Variants in ZMYM4 observed in about 807,000 individuals in gnomAD.
ZMYM4 encodes the protein zinc finger MYM-type containing 4.
ZMYM4 carries 31 observed loss-of-function variants against 183.2 expected under a neutral mutation model. The observed-to-expected ratio is 0.17, with a 90% CI of 0.13 to 0.23. The LOEUF (loss-of-function observed/expected upper bound fraction) is 0.23. Among genes scored for constraint, ZMYM4 ranks in the 10% least tolerant of loss-of-function variants. The pLI is 1.00. For missense variants in ZMYM4, 1,273 were observed against 1,840.3 expected (o/e 0.69, Z 5.64); for synonymous variants, 592 against 631.2 (o/e 0.94, Z 0.93).
intron 10 of ZMYM4, 38 bp from the exon 11 acceptor site, chr1:35,386,036 T>C (rs767614031): frequency 7.1e-7 from 1 of 1,417,764 alleles, no homozygotes; most frequent in Non-Finnish European, 9.9e-7. Flanking sequence ...TGTACATTTG[T>C]ACATATTACT....
At chr1:35,284,901 C>G (rs1640394758) in intron 1 of ZMYM4, among the ~76,000 whole-genome samples, 1 of 152,108 alleles carries the variant, frequency 6.6e-6, no homozygotes, top group African/African-American at 2.4e-5. Context: ...TTTAAAGTCC[C>G]CCTCTCCAAG....
At chr1:35,291,256 T>C (rs113453236) in intron 1 of ZMYM4, among the ~76,000 whole-genome samples, 3,523 of 152,286 alleles carry the variant, frequency 0.023, 62 homozygotes, top group Non-Finnish European at 0.034. Flanking sequence ...TTTGAAAATA[T>C]TCCCCCCAGT....
At chr1:35,316,193 G>C (rs1642038210) in intron 1 of ZMYM4, among the ~76,000 whole-genome samples, 1 of 152,134 alleles carries the variant, frequency 6.6e-6, no homozygotes, top group South Asian at 2.1e-4. Context: ...GAGTCCCAGA[G>C]GAGTGAAGTT....
intron 28 of ZMYM4, among the ~76,000 whole-genome samples, chr1:35,417,689 G>A (rs1049616410): frequency 6.6e-6 from 1 of 152,072 alleles, no homozygotes; most frequent in African/African-American, 2.4e-5. Context: ...TCCAGGCTGG[G>A]CAACAGAGTG....
At chr1:35,411,949 C>A (rs1251030915) in intron 26 of ZMYM4, among the ~76,000 whole-genome samples, 1 of 152,200 alleles carries the variant, frequency 6.6e-6, no homozygotes, top group East Asian at 1.9e-4. Flanking sequence ...GTGGCACAAT[C>A]TCAGCTCACT....
chr1:35,329,380 C>G (rs776529770), intron 2 of ZMYM4, among the ~76,000 whole-genome samples: 11 of 152,156 alleles, frequency 7.2e-5, no homozygotes, highest in African/African-American at 9.7e-5. Context: ...TCAACCATTA[C>G]TAGTTTATGT....
chr1:35,391,248 G>C (rs1407637779), intron 15 of ZMYM4, among the ~76,000 whole-genome samples: 1 of 152,204 alleles, frequency 6.6e-6, no homozygotes, highest in Admixed American at 6.5e-5. Context: ...ACATGGTCCT[G>C]CTGGAGGGGA....
intron 23 of ZMYM4, among the ~76,000 whole-genome samples, chr1:35,404,524 A>C (rs1015581779): frequency 2.6e-5 from 4 of 152,190 alleles, no homozygotes; most frequent in Admixed American, 2.6e-4. Flanking sequence ...CTTTAAGTTC[A>C]AAATGTTTTG....
chr1:35,332,715 C>A (rs1392597140), intron 2 of ZMYM4, among the ~76,000 whole-genome samples: 2 of 151,898 alleles, frequency 1.3e-5, no homozygotes, highest in Non-Finnish European at 2.9e-5. Context: ...TATTTTTCTC[C>A]AGACAGGCTC....
At chr1:35,299,591 C>G (rs1369321243) in intron 1 of ZMYM4, among the ~76,000 whole-genome samples, 6 of 152,168 alleles carry the variant, frequency 3.9e-5, no homozygotes, top group Admixed American at 3.9e-4. Context: ...TTGTGGAAAG[C>G]AACCAATCAA....
chr1:35,399,725 A>G lies in ZMYM4; in HGVS notation c.3528+149A>G, dbSNP rs554903433. ...CTTTTGTTTTTTGAATTCAAGAACC[A>G]TATATTTTATTTACATTTCTTTCAG... is the stretch of plus-strand genomic sequence containing the variant. On this transcript the variant is annotated intron_variant, in intron 23 of 29. Transcript: ENST00000314607. The G allele has an allele frequency of 4.4e-4, 325 of 744,936 alleles. 6 individuals carry two copies. In the East Asian group the frequency reaches 8.8e-3, roughly 20 times the overall value. The allele number at this position is 744,936 out of a possible 1,614,324, so 46.1% of individuals were successfully genotyped here.
At chr1:35,349,993 T>C (rs1643541691) in intron 2 of ZMYM4, among the ~76,000 whole-genome samples, 1 of 151,426 alleles carries the variant, frequency 6.6e-6, no homozygotes, top group South Asian at 2.1e-4. Flanking sequence ...AGACAGAGTC[T>C]CTCTCTGTCA....
Position 35,280,924 on chromosome 1 carries a change from T to C in ZMYM4, c.39+11839T>C, listed in dbSNP as rs557189921. Among the ~76,000 whole-genome samples, 5 of 152,282 alleles carry C rather than the reference T, an allele frequency of 3.3e-5. No individual in the cohort carries two copies. The East Asian group carries it at 9.6e-4, about 29-fold the overall frequency. ...TGGACATATCTCTTGGGGACCACAA[T>C]TTAACCCACAACATGGTCTTCAAGG... On this transcript the variant is annotated intron_variant, in intron 1 of 29. Coordinates refer to ENST00000314607, the MANE Select transcript of ZMYM4 (RefSeq NM_005095.3).
intron 1 of ZMYM4, among the ~76,000 whole-genome samples, chr1:35,323,689 A>T (rs1055708982): frequency 2.6e-5 from 4 of 151,616 alleles, no homozygotes; most frequent in Non-Finnish European, 5.9e-5. Context: ...AGTAGCGGGG[A>T]CTACAGGCGC....
chr1:35,293,568 C>T (rs1162522760), intron 1 of ZMYM4, among the ~76,000 whole-genome samples: 4 of 152,074 alleles, frequency 2.6e-5, no homozygotes, highest in Admixed American at 1.3e-4. Context: ...CCACCTGCCT[C>T]GGCCTCCCAA....
At chr1:35,335,263 G>A (rs1642923506) in intron 2 of ZMYM4, among the ~76,000 whole-genome samples, 1 of 150,550 alleles carries the variant, frequency 6.6e-6, no homozygotes, top group South Asian at 2.1e-4. Context: ...CCCAGACAGA[G>A]TCTCGCTGTG....
chr1:35,369,902 A>G (rs1644166947), intron 5 of ZMYM4, 127 bp from the exon 6 acceptor site: 1 of 560,338 alleles, frequency 1.8e-6, no homozygotes. Context: ...GTACTTTATT[A>G]TTTCTTACTA....
intron 2 of ZMYM4, among the ~76,000 whole-genome samples, chr1:35,346,310 A>G (rs1643387692): frequency 6.6e-6 from 1 of 152,208 alleles, no homozygotes; most frequent in African/African-American, 2.4e-5. Context: ...TATTTTAACT[A>G]GTGCCTAACT....
At chr1:35,302,235 C>A (rs1377389120) in intron 1 of ZMYM4, among the ~76,000 whole-genome samples, 1 of 106,026 alleles carries the variant, frequency 9.4e-6, no homozygotes, top group African/African-American at 4.2e-5. Context: ...TGTGACAGGG[C>A]CTTGCTATGT....
Sources: gnomAD v4.1 joint callset for allele counts (sites outside exome capture counted in the v4.1 genomes callset) on GRCh38, gnomAD v4.1.1 for gene constraint, MANE v1.5 for transcripts, NCBI Gene and HGNC (gene_info 2026-07-23, HGNC 2026-07-21) for gene names.